DOK6: variants seen among roughly 807,000 people sequenced by gnomAD.
DOK6 encodes the protein downstream of tyrosine kinase 6.
Under a neutral mutation model 44.0 loss-of-function variants are expected in DOK6, and 22 were observed. The ratio of observed to expected loss-of-function variants is 0.50; its 90% confidence interval spans 0.36 to 0.71. The LOEUF is 0.71. Ranked by LOEUF, DOK6 falls within the 30% of genes least tolerant of loss-of-function variation. The pLI is 0.00. For missense variants in DOK6, 340 were observed against 416.4 expected (o/e 0.82, Z 1.60); for synonymous variants, 166 against 145.5 (o/e 1.14, Z -1.01).
intron 3 of DOK6, among the ~76,000 whole-genome samples, chr18:69,608,547 G>A (rs1418445463): frequency 2.6e-5 from 4 of 152,094 alleles, no homozygotes; most frequent in Non-Finnish European, 5.9e-5. Flanking sequence ...AAAAGTCATT[G>A]AAATTTTGAG....
chr18:69,682,761 T>C (rs1986071626), intron 4 of DOK6, among the ~76,000 whole-genome samples: 1 of 152,176 alleles, frequency 6.6e-6, no homozygotes. Flanking sequence ...CCATCTCAGG[T>C]ATAATAAAAA....
intron 1 of DOK6, among the ~76,000 whole-genome samples, chr18:69,489,278 A>T (rs1433165721): frequency 6.6e-6 from 1 of 152,194 alleles, no homozygotes; most frequent in Non-Finnish European, 1.5e-5. Context: ...AATTGTCAGT[A>T]CAAATACTAA....
intron 5 of DOK6, among the ~76,000 whole-genome samples, chr18:69,721,898 G>A (rs1027422563): frequency 1.3e-5 from 2 of 152,148 alleles, no homozygotes; most frequent in African/African-American, 2.4e-5. Flanking sequence ...TTCTCCGTAA[G>A]GCAAACTGTG....
At chr18:69,674,778 C>T (rs1176816660) in intron 3 of DOK6, among the ~76,000 whole-genome samples, 5 of 152,104 alleles carry the variant, frequency 3.3e-5, no homozygotes, top group Non-Finnish European at 7.4e-5. Context: ...GGCTAACAGC[C>T]TTCCAGAGCA....
chr18:69,466,569 A>C (rs1979932856), intron 1 of DOK6, among the ~76,000 whole-genome samples: 1 of 152,150 alleles, frequency 6.6e-6, no homozygotes, highest in African/African-American at 2.4e-5. Flanking sequence ...TTCTAGTCTT[A>C]ATTTTTTGAG....
chr18:69,583,007 G>C (rs578144459), intron 2 of DOK6, among the ~76,000 whole-genome samples: 5 of 152,324 alleles, frequency 3.3e-5, no homozygotes, highest in Admixed American at 3.3e-4. Flanking sequence ...ATCTCAAACA[G>C]TGCTGTAATT....
intron 1 of DOK6, among the ~76,000 whole-genome samples, chr18:69,525,230 C>T (rs1192087634): frequency 6.6e-6 from 1 of 151,588 alleles, no homozygotes; most frequent in Non-Finnish European, 1.5e-5. Flanking sequence ...TAAAATGCAA[C>T]CTTGATTGTT....
Position 69,844,358 on chromosome 18 carries a change from C to T in DOK6, c.*2975C>T, listed in dbSNP as rs1206401326. 1 of 152,180 alleles carries T rather than the reference C, an allele frequency of 6.6e-6. No individual in the cohort carries two copies. Among genetic ancestry groups the T allele is most frequent in the Non-Finnish European group, 1.5e-5 (1 of 68,004 alleles). The allele number at this position is 152,180 out of a possible 1,614,324, so 9.4% of individuals were successfully genotyped here. A position where few individuals can be genotyped will look rare whatever the true frequency, so the allele number is the denominator to read the frequency against. Reference sequence around the variant, plus strand: ...GGAAGAGACCAATGATAAAGGAACCCAACGTAAGGAATAGCAGTTCTGAAA... The same window carrying T: ...GGAAGAGACCAATGATAAAGGAACCTAACGTAAGGAATAGCAGTTCTGAAA... On this transcript the variant is annotated 3_prime_UTR_variant, in exon 8 of 8. Coordinates refer to ENST00000382713, the MANE Select transcript of DOK6 (RefSeq NM_152721.6).
chr18:69,596,830 C>T (rs73455895), intron 2 of DOK6, among the ~76,000 whole-genome samples: 5,564 of 152,054 alleles, frequency 0.037, 113 homozygotes, highest in East Asian at 0.12. Flanking sequence ...TAAAACAATA[C>T]GTATATAATG....
At chr18:69,520,208 C>G (rs1256180160) in intron 1 of DOK6, among the ~76,000 whole-genome samples, 1 of 151,692 alleles carries the variant, frequency 6.6e-6, no homozygotes, top group Non-Finnish European at 1.5e-5. Flanking sequence ...TTCCTGAAGA[C>G]TCTTTAAAAA....
chr18:69,732,992 A>G (rs996502510), intron 5 of DOK6, among the ~76,000 whole-genome samples: 1 of 152,178 alleles, frequency 6.6e-6, no homozygotes, highest in Non-Finnish European at 1.5e-5. Context: ...GAAACTTACA[A>G]TCATGGCAGA....
chr18:69,788,183 G>T (rs558900536), intron 7 of DOK6, among the ~76,000 whole-genome samples: 1 of 152,126 alleles, frequency 6.6e-6, no homozygotes, highest in African/African-American at 2.4e-5. Flanking sequence ...ATAACCAGGG[G>T]TAATCTAGGT....
intron 3 of DOK6, among the ~76,000 whole-genome samples, chr18:69,608,289 T>G (rs1984048344): frequency 6.6e-6 from 1 of 152,218 alleles, no homozygotes; most frequent in Non-Finnish European, 1.5e-5. Context: ...TATGTGTTCT[T>G]GGCACCCCTG....
intron 7 of DOK6, among the ~76,000 whole-genome samples, chr18:69,837,936 T>C (rs1982098023): frequency 6.6e-6 from 1 of 152,230 alleles, no homozygotes; most frequent in Admixed American, 6.5e-5. Flanking sequence ...TGATGTTTAT[T>C]GTTGTCTGTC....
At chr18:69,462,506 C>A (rs894719413) in intron 1 of DOK6, among the ~76,000 whole-genome samples, 3 of 152,098 alleles carry the variant, frequency 2.0e-5, no homozygotes, top group Admixed American at 1.3e-4. Context: ...TTGCTTCTTT[C>A]AATTTTGGTA....
At chr18:69,460,639 A>G (rs773955016) in intron 1 of DOK6, among the ~76,000 whole-genome samples, 1 of 152,196 alleles carries the variant, frequency 6.6e-6, no homozygotes, top group Non-Finnish European at 1.5e-5. Context: ...CAAATTGTTG[A>G]TATCTGGCAA....
chr18:69,695,139 T>C, intron 4 of DOK6, among the ~76,000 whole-genome samples: 1 of 152,254 alleles, frequency 6.6e-6, no homozygotes, highest in South Asian at 2.1e-4. Context: ...TCCCTGGCAA[T>C]ATTTTAAAGT....
chr18:69,608,595 A>G (rs1396187664), intron 3 of DOK6, among the ~76,000 whole-genome samples: 2 of 152,160 alleles, frequency 1.3e-5, no homozygotes, highest in Non-Finnish European at 2.9e-5. Context: ...TTTGGGTAGG[A>G]TGATATTTTA....
intron 1 of DOK6, among the ~76,000 whole-genome samples, chr18:69,501,723 A>G (rs1981054484): frequency 6.6e-6 from 1 of 151,952 alleles, no homozygotes; most frequent in Non-Finnish European, 1.5e-5. Flanking sequence ...TAAGATTAAA[A>G]TGAAACACTT....
Sources: allele counts gnomAD v4.1 joint callset (sites outside exome capture counted in the v4.1 genomes callset), GRCh38; gene constraint gnomAD v4.1.1; transcripts MANE v1.5; gene names NCBI Gene and HGNC (gene_info 2026-07-23, HGNC 2026-07-21).